Variants in HNRNPUL1 observed in about 807,000 individuals in gnomAD.
The protein encoded by HNRNPUL1 is heterogeneous nuclear ribonucleoprotein U like 1.
In HNRNPUL1, 14 loss-of-function variants were observed where a neutral mutation model predicts 108.5. The ratio of observed to expected loss-of-function variants is 0.13; its 90% CI spans 0.09 to 0.20. The LOEUF is 0.20. HNRNPUL1 is among the 10% of genes least tolerant of loss of function. The probability of loss-of-function intolerance (pLI) is 1.00; values close to 1 mark genes in which losing one functional copy is unlikely to be tolerated. For missense variants in HNRNPUL1, 804 were observed against 1,168.3 expected, an observed-to-expected ratio of 0.69 and a Z score of 4.55; for synonymous variants, 422 against 445.2, an observed-to-expected ratio of 0.95 and a Z score of 0.66.
At chr19:41,266,847 G>A (rs1399021708) in intron 1 of HNRNPUL1, among the ~76,000 whole-genome samples, 1 of 152,198 alleles carries the variant, frequency 6.6e-6, no homozygotes, top group East Asian at 1.9e-4. Context: ...AGAGATTATC[G>A]AGGACCCAGG....
At chr19:41,278,183 C>T (rs1438256693) in intron 5 of HNRNPUL1, among the ~76,000 whole-genome samples, 1 of 152,060 alleles carries the variant, frequency 6.6e-6, no homozygotes, top group East Asian at 1.9e-4. Context: ...CCTCAGCCTC[C>T]CAAGTAGCTG....
chr19:41,294,481 C>CT lies in HNRNPUL1; in HGVS notation c.1389+22dup. The CT allele has an allele frequency of 1.2e-6, 2 of 1,614,090 alleles. No homozygotes were observed. The highest frequency in any genetic ancestry group is 1.7e-6 in the Non-Finnish European group (2 of 1,179,994). ...TGCGGGTAAGGCCAGCCACTGGACT[C>CT]TCCTTACTCACCTCCAACCTACTGA... On this transcript the variant is annotated intron_variant, in intron 9 of 14. Coordinates refer to ENST00000392006, the MANE Select transcript of HNRNPUL1 (RefSeq NM_007040.6). The surrounding 1 kb of genome is among the most constrained non-coding windows in gnomAD (Gnocchi z 4.3).
chr19:41,279,301 G>C (rs948268476), intron 6 of HNRNPUL1, 125 bp downstream of exon 6: 2 of 663,608 alleles, frequency 3.0e-6, no homozygotes, highest in African/African-American at 3.6e-5. Context: ...AAGTGGAACA[G>C]GTACAAGGAT....
chr19:41,278,192 T>A (rs1331631491), intron 5 of HNRNPUL1: 1 of 152,122 alleles, frequency 6.6e-6, no homozygotes, highest in African/African-American at 2.4e-5. Context: ...CCCAAGTAGC[T>A]GGGATTACAG....
At chr19:41,303,491 A>T (rs1029467985) in intron 12 of HNRNPUL1, among the ~76,000 whole-genome samples, 4 of 151,406 alleles carry the variant, frequency 2.6e-5, no homozygotes, top group African/African-American at 7.3e-5. Context: ...AGTAGCTGGG[A>T]TTGTAGGCAA....
In HNRNPUL1 at chr19:41,306,508, G is replaced by A. The variant is rs749424894; in HGVS notation, c.2514G>A (p.Gly838=). Residue 838 remains glycine (G), a synonymous_variant, in exon 15 of 15, where the codon GGG becomes GGA. Transcript: ENST00000392006. ...AGGGCCAGTGGCCGCCATACTACGG[G>A]AACTACGACTACGGGAGCTACTCCG... ...QNQGQWPPYY[G]NYDYGSYSGN... is the part of the protein sequence containing the mutation. The A allele has an allele frequency of 6.2e-7, 1 of 1,606,464 alleles. No individual in the cohort carries two copies. Among genetic ancestry groups the A allele is most frequent in the Non-Finnish European group, 8.5e-7 (1 of 1,176,748 alleles).
chr19:41,292,517 T>C lies in HNRNPUL1; in HGVS notation c.1266+6T>C, dbSNP rs1369258342. ...AGAGCAAGGCAGAATGTGAGGTGAGTGGGGCCAGAATGTATTGGTGGCCAC... is the reference window on the plus strand; with the variant it reads ...AGAGCAAGGCAGAATGTGAGGTGAGCGGGGCCAGAATGTATTGGTGGCCAC... On this transcript the variant is annotated splice_donor_region_variant and intron_variant, in intron 8 of 14. Coordinates refer to ENST00000392006, the MANE Select transcript of HNRNPUL1 (RefSeq NM_007040.6). This position sits in a 1 kb window ranked among gnomAD's most constrained non-coding sequence, Gnocchi z 4.1. 1 of 1,605,890 alleles carries C rather than the reference T, an allele frequency of 6.2e-7. No individual in the cohort carries two copies. Among genetic ancestry groups the C allele is most frequent in the Admixed American group, 1.7e-5 (1 of 59,888 alleles).
Position 41,272,105 on chromosome 19 carries a change from G to A in HNRNPUL1, c.442G>A (p.Gly148Arg), listed in dbSNP as rs750508404. Reference sequence around the variant, plus strand: ...AGAAATGAAGACAGAGATGAAGCAAGGAGCACCCACCAGCTTCCTCCCGCC... The same window carrying A: ...AGAAATGAAGACAGAGATGAAGCAAAGAGCACCCACCAGCTTCCTCCCGCC... ...RPEMKTEMKQ[G>R]APTSFLPPEA... The change falls in exon 3 of 15, where the codon GGA (glycine) becomes AGA (arginine). Residue 148 changes from glycine to arginine, a missense_variant. Transcript: ENST00000392006. The A allele has an allele frequency of 6.2e-7, 1 of 1,614,106 alleles. No individual in the cohort carries two copies. Among genetic ancestry groups the A allele is most frequent in the South Asian group, 1.1e-5 (1 of 91,074 alleles).
rs1191396061 is a variant in HNRNPUL1, at chr19:41,294,661, A to G, written c.1493A>G (p.Lys498Arg). 2 of 1,614,220 alleles carry G rather than the reference A, an allele frequency of 1.2e-6. No homozygotes were observed. Among genetic ancestry groups the G allele is most frequent in the Non-Finnish European group, 1.7e-6 (2 of 1,180,042 alleles). ...CGCCTCATCCAGATTGCTGCCCGCAAGAAACGCAACTATATCCTAGATCAG... is the reference window on the plus strand; with the variant it reads ...CGCCTCATCCAGATTGCTGCCCGCAGGAAACGCAACTATATCCTAGATCAG... Reference protein sequence around the residue: ...LNRLIQIAARKKRNYILDQTN... With the variant: ...LNRLIQIAARRKRNYILDQTN... Residue 498 changes from lysine to arginine, a missense_variant, in exon 10 of 15, where the codon AAG becomes AGG. By Grantham distance (26) the Lys-to-Arg change is conservative. Coordinates refer to ENST00000392006, the MANE Select transcript of HNRNPUL1 (RefSeq NM_007040.6). The surrounding 1 kb of genome is among the most constrained non-coding windows in gnomAD (Gnocchi z 4.3).
intron 6 of HNRNPUL1, chr19:41,280,928 T>TA: frequency 2.1e-6 from 1 of 485,002 alleles, no homozygotes; most frequent in South Asian, 2.3e-5. Context: ...TGTGCAGAGT[T>TA]ATTCAGTTGA....
chr19:41,274,267 C>T (rs1309549680), intron 4 of HNRNPUL1, among the ~76,000 whole-genome samples: 1 of 152,230 alleles, frequency 6.6e-6, no homozygotes, highest in African/African-American at 2.4e-5. Flanking sequence ...AGTCATTCTA[C>T]TTCTCTGAGC....
chr19:41,283,899 A>C (rs1218457541), intron 7 of HNRNPUL1, among the ~76,000 whole-genome samples: 2 of 152,228 alleles, frequency 1.3e-5, no homozygotes, highest in African/African-American at 2.4e-5. Flanking sequence ...AGCCAACTGC[A>C]TAAAATTAAC....
upstream of HNRNPUL1, among the ~76,000 whole-genome samples, chr19:41,263,889 A>T (rs1415546743): frequency 6.6e-6 from 1 of 152,192 alleles, no homozygotes; most frequent in Non-Finnish European, 1.5e-5. Flanking sequence ...TAAAGGCAAC[A>T]GGAAGGAGGG....
intron 10 of HNRNPUL1, among the ~76,000 whole-genome samples, chr19:41,297,528 G>T (rs2036960886): frequency 6.6e-6 from 1 of 152,212 alleles, no homozygotes; most frequent in African/African-American, 2.4e-5. Flanking sequence ...CCTCTGGAAT[G>T]AGATGCTTTC....
At chr19:41,264,275 T>C (rs182694945), upstream of HNRNPUL1, 61 of 395,846 alleles carry the variant, frequency 1.5e-4, 2 homozygotes, top group African/African-American at 1.1e-3. Flanking sequence ...ATTGGCTAGG[T>C]TTCCGGGCCC....
chr19:41,301,515 C>G (rs1474758664), intron 10 of HNRNPUL1, 21 bp from the exon 11 acceptor site: 1 of 1,600,084 alleles, frequency 6.2e-7, no homozygotes, highest in East Asian at 2.2e-5. Context: ...TCTCTTGCCT[C>G]TTCTGTTACC....
intron 7 of HNRNPUL1, among the ~76,000 whole-genome samples, chr19:41,287,064 G>GA (rs2036278455): frequency 6.6e-6 from 1 of 150,486 alleles, no homozygotes; most frequent in African/African-American, 2.5e-5. Flanking sequence ...CGCCCAGGCT[G>GA]GAGTGCAGTG....
At chr19:41,284,236 C>T (rs1048497490) in intron 7 of HNRNPUL1, among the ~76,000 whole-genome samples, 1 of 152,212 alleles carries the variant, frequency 6.6e-6, no homozygotes, top group Non-Finnish European at 1.5e-5. Context: ...AGATTGAGGT[C>T]TGCAGCTGTA....
intron 4 of HNRNPUL1, among the ~76,000 whole-genome samples, chr19:41,274,986 A>G (rs1043206999): frequency 1.3e-5 from 2 of 152,188 alleles, no homozygotes; most frequent in Non-Finnish European, 2.9e-5. Flanking sequence ...CTTTAGAGAA[A>G]GGAGAGCGCC....
Sources: gnomAD v4.1 joint callset for allele counts (sites outside exome capture counted in the v4.1 genomes callset) on GRCh38, gnomAD v4.1.1 for gene constraint, Gnocchi (gnomAD v3.1) non-coding constraint, MANE v1.5 for transcripts, NCBI Gene and HGNC (gene_info 2026-07-23, HGNC 2026-07-21) for gene names.